RAD51B: variants seen among roughly 807,000 people sequenced by gnomAD.
RAD51B encodes RAD51 paralog B.
RAD51B carries 38 observed loss-of-function variants against 42.2 expected under a neutral mutation model. That is an observed-to-expected ratio of 0.90 (90% CI 0.70 to 1.18). RAD51B has a LOEUF of 1.18. Ranked by LOEUF, RAD51B falls within the 50% of genes most tolerant of loss-of-function variation. The pLI is 0.00. For synonymous variants in RAD51B, 154 were observed against 145.2 expected, an observed-to-expected ratio of 1.06 and a Z score of -0.43; for missense variants, 373 against 400.7, an observed-to-expected ratio of 0.93 and a Z score of 0.59.
chr14:68,545,703 A>T lies in RAD51B; in HGVS notation c.1037-48782A>T, dbSNP rs570753636. On this transcript the variant is annotated intron_variant, in intron 10 of 10. Transcript: ENST00000487270. The stretch of plus-strand genomic sequence containing the variant: ...CACACATTGATTTCCCTAAATATTT[A>T]TTATCTGCTTGTTATCTGCCAAGAG... 6.7e-6 allele frequency: 3 copies of T among 449,544 alleles called. No homozygotes were observed. The East Asian group carries it at 2.1e-4, about 32-fold the overall frequency. 27.8% of individuals were successfully genotyped at this position (449,544 alleles called of 1,614,324 possible).
intron 7 of RAD51B, among the ~76,000 whole-genome samples, chr14:68,059,374 T>C (rs1320693604): frequency 6.6e-6 from 1 of 152,208 alleles, no homozygotes; most frequent in Non-Finnish European, 1.5e-5. Context: ...AGTTTTCACG[T>C]TGACCTTCAA....
chr14:68,189,958 A>T (rs1160555336), intron 7 of RAD51B, among the ~76,000 whole-genome samples: 1 of 152,110 alleles, frequency 6.6e-6, no homozygotes, highest in Non-Finnish European at 1.5e-5. Flanking sequence ...GAGCCACTGC[A>T]CCTGGCCTCC....
At chr14:68,652,045 A>G (rs1277745583) in intron 11 of RAD51B, among the ~76,000 whole-genome samples, 1 of 152,160 alleles carries the variant, frequency 6.6e-6, no homozygotes, top group Non-Finnish European at 1.5e-5. Flanking sequence ...GATGGCCTGC[A>G]CTGCTCAATG....
chr14:67,824,982 G>A (rs1486857243), intron 2 of RAD51B, among the ~76,000 whole-genome samples: 20 of 148,274 alleles, frequency 1.3e-4, no homozygotes, highest in Admixed American at 1.2e-3. Flanking sequence ...GGAGTCTCAG[G>A]CAGAAGAATC....
intron 7 of RAD51B, among the ~76,000 whole-genome samples, chr14:67,900,823 TA>T (rs1043039521): frequency 3.3e-5 from 5 of 152,162 alleles, no homozygotes; most frequent in Non-Finnish European, 5.9e-5. Context: ...TCTGATACCA[TA>T]TTGTAATGAA....
At chr14:68,144,044 T>A (rs557837207) in intron 7 of RAD51B, among the ~76,000 whole-genome samples, 2 of 152,284 alleles carry the variant, frequency 1.3e-5, no homozygotes, top group African/African-American at 2.4e-5. Flanking sequence ...CTGCTCATCA[T>A]CTTTTTTTTC....
chr14:68,621,306 G>T (rs1891943596), intron 10 of RAD51B, among the ~76,000 whole-genome samples: 1 of 152,160 alleles, frequency 6.6e-6, no homozygotes, highest in South Asian at 2.1e-4. Context: ...GGCTTCAAAT[G>T]CCAAGTGATG....
At chr14:68,249,922 G>T (rs564130173) in intron 7 of RAD51B, among the ~76,000 whole-genome samples, 13 of 152,300 alleles carry the variant, frequency 8.5e-5, no homozygotes, top group African/African-American at 3.1e-4. Flanking sequence ...TCAGGCCACC[G>T]CCATAGTGAG....
downstream of RAD51B, among the ~76,000 whole-genome samples, chr14:68,615,252 A>G (rs1272665670): frequency 6.6e-6 from 1 of 151,958 alleles, no homozygotes; most frequent in East Asian, 1.9e-4. Flanking sequence ...GGTTTTGTCT[A>G]TTTCCTCTTT....
At chr14:67,845,261 A>G (rs2140316553) in intron 4 of RAD51B, among the ~76,000 whole-genome samples, 1 of 152,240 alleles carries the variant, frequency 6.6e-6, no homozygotes, top group South Asian at 2.1e-4. Flanking sequence ...TTTATATTTA[A>G]CACTCCCTTC....
At chr14:68,549,408 C>CTTTTTTTTTTTTTTTTTTTTTTTT (rs1888400828) in intron 10 of RAD51B, among the ~76,000 whole-genome samples, 1 of 71,328 alleles carries the variant, frequency 1.4e-5, no homozygotes, top group Non-Finnish European at 3.3e-5. Context: ...GCCCTGGACA[C>CTTTTTTTTTTTTTTTTTTTTTTTT]ATTTTTTTTT....
At position 68,411,412 on chromosome 14, in the gene RAD51B, AT is replaced by A; in HGVS notation, c.854-9del. 1 of 1,612,408 alleles carries A rather than the reference AT, an allele frequency of 6.2e-7. No individual in the cohort carries two copies. Among genetic ancestry groups the A allele is most frequent in the Non-Finnish European group, 8.5e-7 (1 of 1,178,646 alleles). ...GGGCATCTGAAAGCGTGCTTTTACC[AT>A]TTCATTTCAGGCACTTCTGGATCCA... On this transcript the variant is annotated splice_polypyrimidine_tract_variant and intron_variant, in intron 8 of 10. Transcript: ENST00000471583.
chr14:68,196,894 A>G (rs2079384078), intron 7 of RAD51B, among the ~76,000 whole-genome samples: 1 of 152,226 alleles, frequency 6.6e-6, no homozygotes, highest in Admixed American at 6.5e-5. Flanking sequence ...TTTGACATGG[A>G]GTATACTTTG....
intron 3 of RAD51B, among the ~76,000 whole-genome samples, chr14:67,830,336 A>T (rs1398343806): frequency 6.6e-6 from 1 of 152,224 alleles, no homozygotes; most frequent in Non-Finnish European, 1.5e-5. Context: ...ACAAAAAGTG[A>T]TGGTGACTTA....
At chr14:68,434,242 C>A (rs1238622491) in intron 9 of RAD51B, among the ~76,000 whole-genome samples, 1 of 152,184 alleles carries the variant, frequency 6.6e-6, no homozygotes, top group Non-Finnish European at 1.5e-5. Flanking sequence ...AAACTCTGTG[C>A]TGGGAGAACC....
At chr14:68,124,964 T>C (rs1004725707) in intron 7 of RAD51B, 1 of 149,014 alleles carries the variant, frequency 6.7e-6, no homozygotes, top group Non-Finnish European at 1.5e-5. Flanking sequence ...AAAAAAAAAA[T>C]TATATAGCTT....
intron 9 of RAD51B, among the ~76,000 whole-genome samples, chr14:68,449,643 G>T (rs1468862003): frequency 6.6e-6 from 1 of 152,160 alleles, no homozygotes; most frequent in Non-Finnish European, 1.5e-5. Flanking sequence ...AGATCCTGCA[G>T]CTGTGCCTGA....
intron 10 of RAD51B, among the ~76,000 whole-genome samples, chr14:68,623,874 T>G (rs1302481835): frequency 6.6e-6 from 1 of 152,204 alleles, no homozygotes; most frequent in Non-Finnish European, 1.5e-5. Context: ...TAGGGAAAGA[T>G]CAAATGTCTT....
chr14:68,501,350 C>T (rs758968187), intron 10 of RAD51B, among the ~76,000 whole-genome samples: 20 of 152,158 alleles, frequency 1.3e-4, no homozygotes, highest in Non-Finnish European at 2.4e-4. Context: ...CTCTCCTGAC[C>T]GCTCCTGTTG....
Sources: gnomAD v4.1 joint callset for allele counts (sites outside exome capture counted in the v4.1 genomes callset) on GRCh38, gnomAD v4.1.1 for gene constraint, MANE v1.5 for transcripts, NCBI Gene and HGNC (gene_info 2026-07-23, HGNC 2026-07-21) for gene names.